ZNF506: variants seen among roughly 807,000 people sequenced by gnomAD.
ZNF506 encodes the protein zinc finger protein 506.
ZNF506 carries 10 observed loss-of-function variants against 11.6 expected under a neutral mutation model. The observed-to-expected ratio is 0.86, with a 90% CI of 0.53 to 1.46. ZNF506 has a LOEUF of 1.46. ZNF506 is among the 40% of genes most tolerant of loss of function. The pLI is 0.00. For missense variants in ZNF506, 425 were observed against 521.2 expected (o/e 0.82, Z 1.80); for synonymous variants, 156 against 173.3 (o/e 0.90, Z 0.78).
chr19:19,801,796 A>G (rs1423327416), intron 3 of ZNF506, among the ~76,000 whole-genome samples: 4 of 151,588 alleles, frequency 2.6e-5, no homozygotes, highest in Non-Finnish European at 5.9e-5. Flanking sequence ...GTCTCAAAAA[A>G]AAAAGAGAAA....
At chr19:19,809,242 G>A (rs1018745139) in intron 1 of ZNF506, among the ~76,000 whole-genome samples, 2 of 152,172 alleles carry the variant, frequency 1.3e-5, no homozygotes, top group African/African-American at 2.4e-5. Context: ...AAGAAGCTAT[G>A]ATGCAGAGAA....
chr19:19,814,436 A>ATAATAATAATAATAATAATAG (rs754283632), intron 1 of ZNF506, among the ~76,000 whole-genome samples: 48 of 149,526 alleles, frequency 3.2e-4, no homozygotes, highest in African/African-American at 1.2e-3. Flanking sequence ...AATAATAATA[A>ATAATAATAATAATAATAATAG]TGCAGAAACA....
At chr19:19,821,119 T>C (rs2062964410) in intron 1 of ZNF506, among the ~76,000 whole-genome samples, 1 of 152,180 alleles carries the variant, frequency 6.6e-6, no homozygotes, top group Non-Finnish European at 1.5e-5. Flanking sequence ...AGGCTTGTCT[T>C]GAACTCCTGA....
chr19:19,807,570 C>T (rs1358176758), intron 1 of ZNF506, among the ~76,000 whole-genome samples: 1 of 151,878 alleles, frequency 6.6e-6, no homozygotes, highest in East Asian at 1.9e-4. Context: ...GCAATGGCGC[C>T]ATCTTGGCTT....
At chr19:19,818,358 A>T (rs1360789413) in intron 1 of ZNF506, among the ~76,000 whole-genome samples, 1 of 152,216 alleles carries the variant, frequency 6.6e-6, no homozygotes, top group African/African-American at 2.4e-5. Flanking sequence ...CCCTGCAAAA[A>T]GAGGAACTGA....
chr19:19,795,836 C>A (rs1025289427), intron 3 of ZNF506, 176 bp from the exon 4 acceptor site: 1 of 647,254 alleles, frequency 1.5e-6, no homozygotes, highest in Admixed American at 3.0e-5. Context: ...GACCAAAATA[C>A]ATTTGTAAAA....
chr19:19,799,908 C>G (rs1324489551), intron 3 of ZNF506, among the ~76,000 whole-genome samples: 1 of 151,014 alleles, frequency 6.6e-6, no homozygotes, highest in Non-Finnish European at 1.5e-5. Flanking sequence ...ATTACAATTT[C>G]TGATTTCAAA....
At chr19:19,817,806 C>A (rs966088280) in intron 1 of ZNF506, among the ~76,000 whole-genome samples, 1 of 148,856 alleles carries the variant, frequency 6.7e-6, no homozygotes, top group Non-Finnish European at 1.5e-5. Context: ...ACAGTGTTTA[C>A]GTAAGGGAAG....
chr19:19,794,944 A>C lies in ZNF506; in HGVS notation c.943T>G (p.Cys315Gly), dbSNP rs756416485. 2.9e-5 allele frequency: 47 copies of C among 1,613,784 alleles called. No individual in the cohort carries two copies. Among genetic ancestry groups the C allele is most frequent in the Non-Finnish European group, 4.0e-5 (47 of 1,180,006 alleles). The change falls in exon 4 of 4, where the codon TGT becomes GGT. Residue 315 changes from cysteine to glycine, a missense_variant. Around this residue, in one of 3 missense-constraint regions of ZNF506, gnomAD observed 192 missense variants for 215.7 expected, o/e 0.89. Transcript: ENST00000540806. ...IIHTGEKPYK[C>G]EECGKAFNRS... ...TTAAAAGCTTTGCCACATTCCTCAC[A>C]TTTGTAGGGTTTCTCTCCAGTATGA...
chr19:19,819,725 T>G (rs1247304799), intron 1 of ZNF506, among the ~76,000 whole-genome samples: 1 of 152,236 alleles, frequency 6.6e-6, no homozygotes, highest in Non-Finnish European at 1.5e-5. Context: ...GTCAGGGGAT[T>G]ATTCTTTGCT....
Position 19,821,620 on chromosome 19 carries a change from G to T in ZNF506, c.-17C>A, listed in dbSNP as rs750737682. The T allele has an allele frequency of 1.2e-6, 2 of 1,614,004 alleles. No individual in the cohort carries two copies. The highest frequency in any genetic ancestry group is 1.7e-6 in the Non-Finnish European group (2 of 1,179,906). ...TCTCACCATTTCTAGGCTTCCAGGG[G>T]GTCCCGGCGTCCTAGCTGTGACCCT... On this transcript the variant is annotated 5_prime_UTR_variant, in exon 1 of 4. Coordinates refer to ENST00000540806, the MANE Select transcript of ZNF506 (RefSeq NM_001099269.3).
rs1251949569 is a variant in ZNF506, at chr19:19,794,794, C to T, written c.1093G>A (p.Gly365Arg). 3 of 1,613,804 alleles carry T rather than the reference C, an allele frequency of 1.9e-6. No homozygotes were observed. Among genetic ancestry groups the T allele is most frequent in the East Asian group, 2.2e-5 (1 of 44,872 alleles). The change falls in exon 4 of 4, where the codon GGA becomes AGA. Residue 365 changes from glycine to arginine, a missense_variant. Transcript: ENST00000540806. ...TCTTCACACTTGTAGGGTTTCTCTC[C>T]AGTATGAGCTCTCTTATGTTTAGAG... is the stretch of plus-strand genomic sequence containing the variant. ...SLSKHKRAHTGEKPYKCEECG... is the reference protein window; with the variant it reads ...SLSKHKRAHTREKPYKCEECG...
intron 1 of ZNF506, among the ~76,000 whole-genome samples, chr19:19,815,552 T>C (rs2062923529): frequency 6.6e-6 from 1 of 152,158 alleles, no homozygotes; most frequent in Non-Finnish European, 1.5e-5. Flanking sequence ...TCACCCAAAG[T>C]TTTATTCCAG....
At chr19:19,818,430 A>G (rs943196574) in intron 1 of ZNF506, among the ~76,000 whole-genome samples, 1 of 152,164 alleles carries the variant, frequency 6.6e-6, no homozygotes, top group African/African-American at 2.4e-5. Context: ...AAACATTTTC[A>G]TTGTCTACAG....
At chr19:19,806,154 A>C (rs747262655) in intron 2 of ZNF506, 28 bp from the exon 3 acceptor site, 1 of 1,510,262 alleles carries the variant, frequency 6.6e-7, no homozygotes, top group Non-Finnish European at 9.1e-7. Flanking sequence ...AATAATATGA[A>C]TCTTGCTCAT....
At chr19:19,809,393 C>T (rs968023145) in intron 1 of ZNF506, among the ~76,000 whole-genome samples, 2 of 152,146 alleles carry the variant, frequency 1.3e-5, no homozygotes, top group Non-Finnish European at 2.9e-5. Context: ...AAGTACTAAA[C>T]ACAAGGCAGT....
intron 3 of ZNF506, chr19:19,796,061 A>C: frequency 4.4e-6 from 1 of 228,822 alleles, no homozygotes; most frequent in South Asian, 6.9e-5. Flanking sequence ...AGGCAGGTGG[A>C]TCATGAGGTC....
chr19:19,794,658 G>A lies in ZNF506; in HGVS notation c.1229C>T (p.Ser410Leu). ...EECGKAFNWSSALNKHKKIHI... is the reference protein window; with the variant it reads ...EECGKAFNWSLALNKHKKIHI... Reference sequence around the variant, plus strand: ...AATTTTCTTATGTTTATTAAGGGCTGAGGACCAGTTAAAAGCTTTGCCACA... The same window carrying A: ...AATTTTCTTATGTTTATTAAGGGCTAAGGACCAGTTAAAAGCTTTGCCACA... The change falls in exon 4 of 4, where the codon TCA becomes TTA. Residue 410 changes from serine to leucine, a missense_variant. Ser to Leu is a moderately radical substitution (Grantham distance 145). Transcript: ENST00000540806. The A allele has an allele frequency of 1.2e-6, 2 of 1,614,062 alleles. No individual in the cohort carries two copies. The highest frequency in any genetic ancestry group is 1.7e-5 in the Admixed American group (1 of 60,004).
In ZNF506 at chr19:19,794,836, TA is replaced by T. The variant is rs779091010; in HGVS notation, c.1050del (p.Phe350LeufsTer35). The T allele has an allele frequency of 6.2e-7, 1 of 1,613,750 alleles. No homozygotes were observed. On this transcript the variant is annotated frameshift_variant, in exon 4 of 4. Transcript: ENST00000540806. LOFTEE classifies it low-confidence loss of function (END_TRUNC). ...PYKCDECGKT[F>X]TWYSSLSKHK... Reference sequence around the variant, plus strand: ...TGTTTAGAGAGGCTTGAGTACCAGGTAAAGGTTTTGCCACATTCGTCACATT... The same window carrying T: ...TGTTTAGAGAGGCTTGAGTACCAGGTAAGGTTTTGCCACATTCGTCACATT...
Sources: gnomAD v4.1 joint callset for allele counts (sites outside exome capture counted in the v4.1 genomes callset) on GRCh38, gnomAD v4.1.1 for gene constraint, gnomAD v4.1.1 regional missense constraint, MANE v1.5 for transcripts, NCBI Gene and HGNC (gene_info 2026-07-23, HGNC 2026-07-21) for gene names.